The following GRM5 variants were observed in gnomAD, a reference collection of about 807,000 sequenced individuals.
The protein encoded by GRM5 is metabotropic glutamate receptor 5.
A neutral mutation model predicts 83.1 loss-of-function variants in GRM5; 19 were observed. That is an observed-to-expected ratio of 0.23 (90% CI 0.16 to 0.34). The LOEUF is 0.34. GRM5 is among the 10% of genes least tolerant of loss of function. The pLI is 1.00. For synonymous variants in GRM5, 675 were observed against 633.6 expected, an observed-to-expected ratio of 1.07 and a Z score of -0.98; for missense variants, 1,160 against 1,588.3, an observed-to-expected ratio of 0.73 and a Z score of 4.58.
In GRM5 at chr11:88,625,403, G is replaced by T. The variant is rs144635175; in HGVS notation, c.1148-20439C>A. 9.9e-3 allele frequency among the ~76,000 whole-genome samples: 1,508 copies of T among 152,226 alleles called. 33 individuals are homozygous for T. Among genetic ancestry groups the T allele is most frequent in the African/African-American group, 0.034 (1,426 of 41,512 alleles). On this transcript the variant is annotated intron_variant, in intron 4 of 9. Transcript: ENST00000305447. ...CACAGGTGGCCCAGTAAGTATCCTG[G>T]AATCTAGCCAAATTATTATACAAAG... is the stretch of plus-strand genomic sequence containing the variant.
intron 3 of GRM5, among the ~76,000 whole-genome samples, chr11:88,755,258 G>C (rs1420038455): frequency 6.6e-6 from 1 of 152,110 alleles, no homozygotes; most frequent in African/African-American, 2.4e-5. Context: ...TCAGAAAACA[G>C]AGTCTCAGAG....
intron 2 of GRM5, among the ~76,000 whole-genome samples, chr11:88,954,138 AGG>A (rs1190732124): frequency 6.6e-6 from 1 of 152,202 alleles, no homozygotes; most frequent in African/African-American, 2.4e-5. Context: ...TTAAGTCCAT[AGG>A]TTAGCTAAAA....
chr11:88,954,229 C>T (rs1938542940), intron 2 of GRM5, among the ~76,000 whole-genome samples: 1 of 152,276 alleles, frequency 6.6e-6, no homozygotes, highest in East Asian at 1.9e-4. Flanking sequence ...AGTATCAAAA[C>T]TGTTCCACCT....
At chr11:88,539,894 A>T (rs1292432887) in intron 8 of GRM5, among the ~76,000 whole-genome samples, 1 of 152,146 alleles carries the variant, frequency 6.6e-6, no homozygotes, top group African/African-American at 2.4e-5. Flanking sequence ...CTTCCTTCAT[A>T]CCAATTATTA....
intron 2 of GRM5, among the ~76,000 whole-genome samples, chr11:88,940,079 G>T: frequency 6.6e-6 from 1 of 151,836 alleles, no homozygotes. Context: ...CACCTTAGTG[G>T]CCTAGTTTTA....
At chr11:89,037,483 A>C (rs1941419934) in intron 2 of GRM5, among the ~76,000 whole-genome samples, 1 of 152,122 alleles carries the variant, frequency 6.6e-6, no homozygotes, top group African/African-American at 2.4e-5. Context: ...AGTTTGTTGC[A>C]AATATATCCT....
chr11:88,673,513 C>A (rs538872904), intron 3 of GRM5, among the ~76,000 whole-genome samples: 65 of 151,904 alleles, frequency 4.3e-4, no homozygotes, highest in Non-Finnish European at 7.2e-4. Context: ...AGAAGTCTGG[C>A]CTGAGATATT....
At chr11:89,038,179 G>A (rs1941439711) in intron 2 of GRM5, among the ~76,000 whole-genome samples, 1 of 147,430 alleles carries the variant, frequency 6.8e-6, no homozygotes, top group Non-Finnish European at 1.5e-5. Flanking sequence ...GTGTGTGTGT[G>A]AAAATCAATG....
chr11:88,987,824 A>G (rs1449761560), intron 2 of GRM5, among the ~76,000 whole-genome samples: 3 of 151,802 alleles, frequency 2.0e-5, no homozygotes, highest in East Asian at 3.9e-4. Context: ...GAAAACTAAC[A>G]AACAGAAAGG....
chr11:88,712,084 A>G (rs959667739), intron 3 of GRM5, among the ~76,000 whole-genome samples: 1 of 152,106 alleles, frequency 6.6e-6, no homozygotes, highest in Admixed American at 6.6e-5. Context: ...TAATTACTGG[A>G]GGACAGAGGA....
At chr11:88,585,510 T>G (rs1943295475) in intron 7 of GRM5, among the ~76,000 whole-genome samples, 1 of 152,200 alleles carries the variant, frequency 6.6e-6, no homozygotes, top group Admixed American at 6.5e-5. Context: ...AAAGGTGGCC[T>G]TTGCTTTCTT....
chr11:88,834,208 G>GT (rs1167694279), intron 3 of GRM5, among the ~76,000 whole-genome samples: 2 of 151,794 alleles, frequency 1.3e-5, no homozygotes, highest in African/African-American at 4.8e-5. Context: ...CATTCTGACT[G>GT]TAAAAAAAAA....
At chr11:88,849,325 G>A (rs1284732744) in intron 3 of GRM5, among the ~76,000 whole-genome samples, 1 of 152,116 alleles carries the variant, frequency 6.6e-6, no homozygotes, top group Non-Finnish European at 1.5e-5. Context: ...CAGGGAATGT[G>A]CTGAGTTGTG....
At chr11:88,621,652 A>G (rs1938637795) in intron 4 of GRM5, among the ~76,000 whole-genome samples, 1 of 152,174 alleles carries the variant, frequency 6.6e-6, no homozygotes, top group African/African-American at 2.4e-5. Flanking sequence ...AAATTTGAGA[A>G]TTACTGTGCT....
At chr11:88,771,506 T>C (rs536610430) in intron 3 of GRM5, among the ~76,000 whole-genome samples, 7 of 152,062 alleles carry the variant, frequency 4.6e-5, no homozygotes, top group Admixed American at 1.3e-4. Flanking sequence ...TGGGAGCATG[T>C]AGCATGGGAG....
chr11:88,672,887 T>G (rs1212599718), intron 3 of GRM5, among the ~76,000 whole-genome samples: 1 of 151,934 alleles, frequency 6.6e-6, no homozygotes, highest in Non-Finnish European at 1.5e-5. Context: ...CAGTTTATTA[T>G]ATGCTGAGGG....
chr11:89,035,310 T>C (rs1425462530), intron 2 of GRM5, among the ~76,000 whole-genome samples: 1 of 151,814 alleles, frequency 6.6e-6, no homozygotes, highest in Non-Finnish European at 1.5e-5. Flanking sequence ...ATGTCTTACT[T>C]AACTTTTATA....
At chr11:88,569,245 T>C (rs1392592822) in intron 7 of GRM5, among the ~76,000 whole-genome samples, 2 of 152,222 alleles carry the variant, frequency 1.3e-5, no homozygotes, top group Non-Finnish European at 2.9e-5. Context: ...ACCATTGTTC[T>C]AGGAGGATCA....
At chr11:88,634,861 T>C (rs1039656649) in intron 4 of GRM5, among the ~76,000 whole-genome samples, 12 of 152,312 alleles carry the variant, frequency 7.9e-5, no homozygotes, top group African/African-American at 2.9e-4. Flanking sequence ...ACCACACATA[T>C]GAGTAATGTG....
Sources: allele counts gnomAD v4.1 joint callset (sites outside exome capture counted in the v4.1 genomes callset), GRCh38; gene constraint gnomAD v4.1.1; transcripts MANE v1.5; gene names NCBI Gene and HGNC (gene_info 2026-07-23, HGNC 2026-07-21).